The following STK24 variants were observed in gnomAD, a reference collection of about 807,000 sequenced individuals.
STK24 encodes serine/threonine kinase 24, also known as serine/threonine-protein kinase 24.
STK24 carries 21 observed loss-of-function variants against 55.6 expected under a neutral mutation model. That is an observed-to-expected ratio of 0.38 (90% CI 0.27 to 0.54). The LOEUF (loss-of-function observed/expected upper bound fraction) is 0.54. Among genes scored for constraint, STK24 ranks in the 20% least tolerant of loss-of-function variants. The pLI, the probability that STK24 is intolerant of heterozygous loss-of-function variation, is 0.79. For missense variants in STK24, 383 were observed against 538.4 expected, an observed-to-expected ratio of 0.71 and a Z score of 2.86; for synonymous variants, 200 against 215.2, an observed-to-expected ratio of 0.93 and a Z score of 0.62.
At chr13:98,519,201 C>A in intron 2 of STK24, 42 bp downstream of exon 2, 1 of 1,540,842 alleles carries the variant, frequency 6.5e-7, no homozygotes, top group South Asian at 1.1e-5. Flanking sequence ...GCACCTCAGC[C>A]AAGTGCTGCA....
At position 98,482,278 on chromosome 13, in the gene STK24, G is replaced by T; in HGVS notation, c.317C>A (p.Ser106Tyr). Residue 106 changes from serine (S) to tyrosine (Y), a missense_variant, in exon 3 of 11, where the codon TCC (serine) becomes TAC (tyrosine). By Grantham distance (144) the Ser-to-Tyr change is moderately radical (BLOSUM62 -2). Coordinates refer to ENST00000539966, the MANE Select transcript of STK24 (RefSeq NM_001032296.4). ...CATAATACTTACTAGATCTAGTGCGGAGCCTCCACCAAGATATTCCATTAT... is the reference window on the plus strand; with the variant it reads ...CATAATACTTACTAGATCTAGTGCGTAGCCTCCACCAAGATATTCCATTAT... ...WIIMEYLGGGSALDLLEPGPL... is the reference protein window; with the variant it reads ...WIIMEYLGGGYALDLLEPGPL... 6.4e-7 allele frequency: 1 copy of T among 1,566,562 alleles called. No individual in the cohort carries two copies. Among genetic ancestry groups the T allele is most frequent in the Non-Finnish European group, 8.7e-7 (1 of 1,148,524 alleles).
At chr13:98,533,774 A>G (rs1953587781) in intron 1 of STK24, among the ~76,000 whole-genome samples, 1 of 152,022 alleles carries the variant, frequency 6.6e-6, no homozygotes. Flanking sequence ...ACACACACAC[A>G]CGCACACGCA....
intron 1 of STK24, among the ~76,000 whole-genome samples, chr13:98,551,178 C>T (rs974520524): frequency 3.3e-5 from 5 of 151,236 alleles, no homozygotes; most frequent in African/African-American, 7.3e-5. Flanking sequence ...CCCAGCTACT[C>T]GGGAGGCTGA....
intron 1 of STK24, among the ~76,000 whole-genome samples, chr13:98,534,397 T>A (rs1176234304): frequency 6.6e-6 from 1 of 152,176 alleles, no homozygotes; most frequent in African/African-American, 2.4e-5. Context: ...CTGAACTAAC[T>A]TCGGGAGGAA....
At chr13:98,502,713 C>T (rs889060796) in intron 2 of STK24, among the ~76,000 whole-genome samples, 1 of 152,208 alleles carries the variant, frequency 6.6e-6, no homozygotes, top group African/African-American at 2.4e-5. Flanking sequence ...TCGCCAGATG[C>T]CAGTACCATG....
intron 1 of STK24, among the ~76,000 whole-genome samples, chr13:98,535,358 A>C (rs1311513128): frequency 1.3e-4 from 4 of 29,914 alleles, no homozygotes; most frequent in Non-Finnish European, 3.1e-4. Flanking sequence ...ACAAACAAAC[A>C]AACAAAAAAA....
chr13:98,557,776 C>A (rs1168625770), intron 1 of STK24, among the ~76,000 whole-genome samples: 1 of 152,224 alleles, frequency 6.6e-6, no homozygotes, highest in Non-Finnish European at 1.5e-5. Flanking sequence ...ATGATCTGGT[C>A]CTGGACTACC....
intron 1 of STK24, among the ~76,000 whole-genome samples, chr13:98,546,900 TG>T (rs368063924): frequency 1.2e-4 from 18 of 150,266 alleles, no homozygotes; most frequent in African/African-American, 4.4e-4. Context: ...ATCTAATTGT[TG>T]TTTTTTTTTG....
At chr13:98,462,496 C>G (rs1893748036) in intron 7 of STK24, among the ~76,000 whole-genome samples, 1 of 152,152 alleles carries the variant, frequency 6.6e-6, no homozygotes. Context: ...TGATCATCCC[C>G]TGATGCCTGT....
chr13:98,519,991 A>G (rs1055482080), intron 1 of STK24, among the ~76,000 whole-genome samples: 3 of 152,234 alleles, frequency 2.0e-5, no homozygotes, highest in Admixed American at 6.5e-5. Context: ...CACCAAAACA[A>G]TAACAATCTA....
In STK24 at chr13:98,571,906, G is replaced by A. The variant is rs532431014; in HGVS notation, c.42+4839C>T. 7.9e-5 allele frequency among the ~76,000 whole-genome samples: 12 copies of A among 152,208 alleles called. No individual in the cohort carries two copies. The East Asian group carries it at 2.3e-3, about 29-fold the overall frequency. ...TGAAGTGCTGCAATGCCTTCTAAAG[G>A]GGCACCCAGCACTCCCCACACCTGA... On this transcript the variant is annotated intron_variant, in intron 1 of 10. Coordinates refer to ENST00000539966, the MANE Select transcript of STK24 (RefSeq NM_001032296.4).
chr13:98,475,396 AT>A (rs1185096411), intron 3 of STK24, 38 bp from the exon 4 acceptor site: 1 of 1,422,752 alleles, frequency 7.0e-7, no homozygotes, highest in Admixed American at 2.0e-5. Flanking sequence ...TACTTAAATG[AT>A]TATCTTATGA....
chr13:98,464,261 C>CA (rs1181486143), intron 6 of STK24, among the ~76,000 whole-genome samples: 1 of 151,588 alleles, frequency 6.6e-6, no homozygotes, highest in African/African-American at 2.4e-5. Flanking sequence ...ACTAAAAATA[C>CA]AAAAAAATTT....
chr13:98,524,745 CAG>C (rs1389595165), intron 1 of STK24, among the ~76,000 whole-genome samples: 2 of 152,208 alleles, frequency 1.3e-5, no homozygotes, highest in Admixed American at 1.3e-4. Context: ...CAGGGGTAGA[CAG>C]ATGTTCCAGA....
At chr13:98,526,304 G>T (rs1196816775) in intron 1 of STK24, among the ~76,000 whole-genome samples, 6 of 152,132 alleles carry the variant, frequency 3.9e-5, no homozygotes, top group Non-Finnish European at 5.9e-5. Context: ...TCCCCCTGCA[G>T]TGCACACAGC....
chr13:98,528,466 T>C (rs1434079716), intron 1 of STK24, among the ~76,000 whole-genome samples: 1 of 152,168 alleles, frequency 6.6e-6, no homozygotes, highest in Admixed American at 6.5e-5. Context: ...AAAACCCAAG[T>C]GCGAAGTATC....
intron 2 of STK24, among the ~76,000 whole-genome samples, chr13:98,495,140 C>A (rs1594610558): frequency 6.6e-6 from 1 of 152,360 alleles, no homozygotes; most frequent in East Asian, 1.9e-4. Context: ...CCGCAGCCCA[C>A]TTTCCTTATT....
At position 98,546,584 on chromosome 13, in the gene STK24, C is replaced by T. The variant is rs575916003; in HGVS notation, c.43-27111G>A. 3.3e-5 allele frequency among the ~76,000 whole-genome samples: 5 copies of T among 152,264 alleles called. No homozygotes were observed. The South Asian group carries it at 1.0e-3, about 32-fold the overall frequency. On this transcript the variant is annotated intron_variant, in intron 1 of 10. Transcript: ENST00000539966. ...GGCTGCGTGTCCTTCCACCTGGTCT[C>T]GCAGTCAACCAACCCAGAGATAAGC...
In STK24 at chr13:98,448,071, C is replaced by G. The variant is rs1892967529; in HGVS notation, c.*5102G>C. ...CCAGGCCAGTGGGTCTCCACTGTAC[C>G]TCAGGAACGCCTGGGTGCTGGCTGT... On this transcript the variant is annotated 3_prime_UTR_variant, in exon 11 of 11. Coordinates refer to ENST00000539966, the MANE Select transcript of STK24 (RefSeq NM_001032296.4). The G allele has an allele frequency of 1.5e-6, 1 of 653,024 alleles. No individual in the cohort carries two copies. Among genetic ancestry groups the G allele is most frequent in the African/African-American group, 1.8e-5 (1 of 55,682 alleles). The allele number at this position is 653,024 out of a possible 1,614,324, so 40.5% of individuals were successfully genotyped here.
Sources: allele counts gnomAD v4.1 joint callset (sites outside exome capture counted in the v4.1 genomes callset), GRCh38; gene constraint gnomAD v4.1.1; transcripts MANE v1.5; gene names NCBI Gene and HGNC (gene_info 2026-07-23, HGNC 2026-07-21).